CKAP5: variants seen among roughly 807,000 people sequenced by gnomAD.
The protein encoded by CKAP5 is cytoskeleton-associated protein 5.
In CKAP5, 27 loss-of-function variants were observed where a neutral mutation model predicts 232.8. The ratio of observed to expected loss-of-function variants is 0.12; its 90% CI spans 0.09 to 0.16. The LOEUF is 0.16. Among genes scored for constraint, CKAP5 ranks in the 10% least tolerant of loss-of-function variants. CKAP5 has a pLI of 1.00. For synonymous variants in CKAP5, 785 were observed against 841.1 expected (o/e 0.93, Z 1.16); for missense variants, 1,838 against 2,424.7 (o/e 0.76, Z 5.08).
At chr11:46,839,969 T>C (rs1940012353) in intron 1 of CKAP5, among the ~76,000 whole-genome samples, 1 of 151,874 alleles carries the variant, frequency 6.6e-6, no homozygotes, top group Non-Finnish European at 1.5e-5. Flanking sequence ...CAAAACCCCA[T>C]CTCTACAAAA....
intron 25 of CKAP5, among the ~76,000 whole-genome samples, chr11:46,770,438 T>G (rs2065237868): frequency 6.6e-6 from 1 of 152,326 alleles, no homozygotes; most frequent in Non-Finnish European, 1.5e-5. Context: ...GTTTAATATA[T>G]ATATATTTTT....
At chr11:46,752,488 A>G in intron 38 of CKAP5, 147 bp downstream of exon 38, 2 of 516,388 alleles carry the variant, frequency 3.9e-6, no homozygotes, top group Non-Finnish European at 6.4e-6. Flanking sequence ...AAATTTATTA[A>G]TATTTTTATT....
At chr11:46,758,406 A>T (rs964398259) in intron 35 of CKAP5, among the ~76,000 whole-genome samples, 3 of 152,196 alleles carry the variant, frequency 2.0e-5, no homozygotes, top group African/African-American at 7.2e-5. Flanking sequence ...CACAGTTGTT[A>T]CAACTGTGTG....
rs150264341 is a variant in CKAP5 at position 46,809,833 on chromosome 11, A to G, written c.672T>C (p.Ser224=). ...LEEEWVKLPT[S]APRPTRFLRS... The stretch of plus-strand genomic sequence containing the variant: ...GAAGAAATCGAGTAGGTCTAGGAGC[A>G]CTTGTTGGCAGTTTGACCCATTCTT... Residue 224 remains serine, a synonymous_variant, in exon 6 of 44, where the codon AGT becomes AGC. Transcript: ENST00000529230. 2.3e-5 allele frequency: 37 copies of G among 1,612,868 alleles called. No homozygotes were observed. The highest frequency in any genetic ancestry group is 7.7e-5 in the South Asian group (7 of 90,522).
At chr11:46,749,941 A>AC (rs2065050936) in intron 42 of CKAP5, among the ~76,000 whole-genome samples, 1 of 152,036 alleles carries the variant, frequency 6.6e-6, no homozygotes, top group Non-Finnish European at 1.5e-5. Flanking sequence ...AAAAAAAAAA[A>AC]AAAGAGGTCA....
At position 46,796,943 on chromosome 11, in the gene CKAP5, A is replaced by T. The variant is rs2075829621; in HGVS notation, c.1339-3T>A. The T allele has an allele frequency of 5.6e-6, 9 of 1,613,756 alleles. No individual in the cohort carries two copies. The highest frequency in any genetic ancestry group is 7.6e-6 in the Non-Finnish European group (9 of 1,179,768). On this transcript the variant is annotated splice_region_variant and splice_polypyrimidine_tract_variant and intron_variant, in intron 11 of 43. Transcript: ENST00000529230. ...TCAGGAGCAGAATCATTGATGTGCT[A>T]TAGTCCAGAAGTAAGCAAAATGATA...
Position 46,796,903 on chromosome 11 carries a change from G to A in CKAP5, c.1376C>T (p.Ala459Val). 1.2e-6 allele frequency: 2 copies of A among 1,614,000 alleles called. No homozygotes were observed. Among genetic ancestry groups the A allele is most frequent in the South Asian group, 2.2e-5 (2 of 91,076 alleles). ...NDSAPEVRDA[A>V]FEALGTALKV... Reference sequence around the variant, plus strand: ...CAAAGCAGTACCCAATGCTTCAAATGCGGCATCTCTGACTTCAGGAGCAGA... The same window carrying A: ...CAAAGCAGTACCCAATGCTTCAAATACGGCATCTCTGACTTCAGGAGCAGA... The change falls in exon 12 of 44, where the codon GCA (alanine) becomes GTA (valine). Residue 459 changes from alanine (A) to valine (V), a missense_variant. By Grantham distance (64) the Ala-to-Val change is moderately conservative (BLOSUM62 0). This residue lies in a region of CKAP5 where 767 missense variants were observed against 954.6 expected (regional missense o/e 0.80). Coordinates refer to ENST00000529230, the MANE Select transcript of CKAP5 (RefSeq NM_001008938.4).
intron 13 of CKAP5, among the ~76,000 whole-genome samples, chr11:46,793,866 G>A (rs1419258258): frequency 6.6e-6 from 1 of 152,078 alleles, no homozygotes; most frequent in Non-Finnish European, 1.5e-5. Flanking sequence ...GGTGGAGGTT[G>A]CAGTGAGCCG....
At chr11:46,813,972 GA>G (rs987123013) in intron 4 of CKAP5, among the ~76,000 whole-genome samples, 3 of 147,738 alleles carry the variant, frequency 2.0e-5, no homozygotes, top group South Asian at 4.3e-4. Flanking sequence ...CTCTATTAAA[GA>G]AAAAAAAAAT....
At position 46,784,541 on chromosome 11, in the gene CKAP5, C is replaced by T. The variant is rs1237381439; in HGVS notation, c.2101G>A (p.Glu701Lys). 6.2e-7 allele frequency: 1 copy of T among 1,614,130 alleles called. No homozygotes were observed. Among genetic ancestry groups the T allele is most frequent in the Non-Finnish European group, 8.5e-7 (1 of 1,180,016 alleles). The change falls in exon 17 of 44, where the codon GAA becomes AAA. Residue 701 changes from glutamate to lysine, a missense_variant. Glu to Lys is a moderately conservative substitution (Grantham distance 56). Coordinates refer to ENST00000529230, the MANE Select transcript of CKAP5 (RefSeq NM_001008938.4). ...GCTTCGGCTATTGCTGTCATAGCTT[C>T]TTTTGCATTGTTCCCACATTTCACA... ...GDVKCGNNAK[E>K]AMTAIAEACM... is the part of the protein sequence containing the mutation.
At chr11:46,808,459 T>A (rs1176311641) in intron 7 of CKAP5, among the ~76,000 whole-genome samples, 2 of 152,146 alleles carry the variant, frequency 1.3e-5, no homozygotes, top group Non-Finnish European at 1.5e-5. Context: ...GAGAATGGCA[T>A]GAACCCGGGA....
At position 46,798,260 on chromosome 11, in the gene CKAP5, T is replaced by C. The variant is rs995556983; in HGVS notation, c.1084-88A>G. 1.8e-5 allele frequency: 17 copies of C among 963,134 alleles called. No homozygotes were observed. In the African/African-American group the frequency reaches 2.5e-4, roughly 14 times the overall value. 59.7% of individuals were successfully genotyped at this position (963,134 alleles called of 1,614,324 possible). On this transcript the variant is annotated intron_variant, in intron 9 of 43. Coordinates refer to ENST00000529230, the MANE Select transcript of CKAP5 (RefSeq NM_001008938.4). Reference sequence around the variant, plus strand: ...CTAGAACATGGCTGAACCTTAAAAATAGTATGCTAAGTTAAAAAAAAAGCC... The same window carrying C: ...CTAGAACATGGCTGAACCTTAAAAACAGTATGCTAAGTTAAAAAAAAAGCC...
In CKAP5 at chr11:46,762,774, G is replaced by A; in HGVS notation, c.3892-12C>T. On this transcript the variant is annotated splice_polypyrimidine_tract_variant and intron_variant, in intron 30 of 43. Coordinates refer to ENST00000529230, the MANE Select transcript of CKAP5 (RefSeq NM_001008938.4). The stretch of plus-strand genomic sequence containing the variant: ...TTTGGTTCTCCAACCTAGTCGATAA[G>A]GAAAATAATGATTAAGTGAGGCATT... 1.2e-6 allele frequency: 2 copies of A among 1,612,612 alleles called. No individual in the cohort carries two copies. Among genetic ancestry groups the A allele is most frequent in the South Asian group, 1.1e-5 (1 of 90,860 alleles).
chr11:46,755,133 T>C (rs2065100891), intron 35 of CKAP5, 66 bp from the exon 36 acceptor site: 2 of 1,234,282 alleles, frequency 1.6e-6, no homozygotes, highest in Non-Finnish European at 2.2e-6. Context: ...GAAGACACTA[T>C]ATGAAACTTC....
chr11:46,825,475 A>G (rs908448102), intron 1 of CKAP5, among the ~76,000 whole-genome samples: 41 of 152,342 alleles, frequency 2.7e-4, no homozygotes, highest in African/African-American at 9.4e-4. Context: ...AAGAGTAATT[A>G]CAGAGCTACT....
chr11:46,767,690 T>C (rs752520315), intron 26 of CKAP5, 27 bp from the exon 27 acceptor site: 2 of 1,384,076 alleles, frequency 1.4e-6, no homozygotes, highest in Non-Finnish European at 2.0e-6. Context: ...ATATATATAC[T>C]ATAAACTTTA....
chr11:46,760,273 T>A (rs2065143438), intron 33 of CKAP5: 1 of 408,044 alleles, frequency 2.5e-6, no homozygotes, highest in African/African-American at 2.1e-5. Context: ...CTAGTCACCC[T>A]CCAGAGGGGA....
intron 1 of CKAP5, among the ~76,000 whole-genome samples, chr11:46,836,403 C>T (rs574538242): frequency 1.3e-5 from 2 of 152,162 alleles, no homozygotes; most frequent in East Asian, 1.9e-4. Context: ...GTCGTGAAAA[C>T]GAATAATTTT....
intron 20 of CKAP5, 132 bp from the exon 21 acceptor site, chr11:46,778,731 T>TGTGTAA: frequency 1.5e-6 from 1 of 687,484 alleles, no homozygotes; most frequent in Non-Finnish European, 2.5e-6. Context: ...ATTTGACTAC[T>TGTGTAA]ACCTAGATTA....
Sources: gnomAD v4.1 joint callset for allele counts (sites outside exome capture counted in the v4.1 genomes callset) on GRCh38, gnomAD v4.1.1 for gene constraint, gnomAD v4.1.1 regional missense constraint, MANE v1.5 for transcripts, NCBI Gene and HGNC (gene_info 2026-07-23, HGNC 2026-07-21) for gene names.